Variants in SSX7 observed in about 807,000 individuals in gnomAD.
SSX7 encodes protein SSX7.
SSX7 carries 15 observed loss-of-function variants against 14.7 expected under a neutral mutation model. The ratio of observed to expected loss-of-function variants is 1.02; its 90% CI spans 0.68 to 1.58. SSX7 has a LOEUF of 1.58. Ranked by LOEUF, SSX7 falls within the 40% of genes most tolerant of loss-of-function variation. The probability of loss-of-function intolerance (pLI) is 0.00; values close to 1 mark genes in which losing one functional copy is unlikely to be tolerated. For synonymous variants in SSX7, 46 were observed against 50.6 expected (o/e 0.91, Z 0.38); for missense variants, 178 against 146.8 (o/e 1.21, Z -1.10).
intron 5 of SSX7, among the ~76,000 whole-genome samples, chrX:52,649,165 G>A (rs1202784348): frequency 9.0e-6 from 1 of 111,273 alleles, no homozygotes; most frequent in Non-Finnish European, 1.9e-5. Flanking sequence ...AGAGTATCTG[G>A]GACTGCAGGC....
chrX:52,651,487 C>A (rs782288787), intron 4 of SSX7, among the ~76,000 whole-genome samples: 1 of 112,036 alleles, frequency 8.9e-6, no homozygotes, highest in South Asian at 3.7e-4. Flanking sequence ...TTCAAACACA[C>A]AGAAAAGTAT....
chrX:52,653,537 G>A (rs1177012008), intron 1 of SSX7, 45 bp from the exon 2 acceptor site: 53 of 1,198,865 alleles, frequency 4.4e-5, no homozygotes, highest in South Asian at 4.1e-4. Flanking sequence ...AGCAGCTTTG[G>A]TCTTGTGGAG....
intron 6 of SSX7, among the ~76,000 whole-genome samples, chrX:52,647,508 G>A (rs1925288401): frequency 9.0e-6 from 1 of 111,602 alleles, no homozygotes; most frequent in Non-Finnish European, 1.9e-5. Context: ...GAAGCAGAGA[G>A]TTAATCAATG....
In SSX7 at chrX:52,648,402, T is replaced by A. The variant is rs782723942; in HGVS notation, c.331-6A>T. On this transcript the variant is annotated splice_region_variant and splice_polypyrimidine_tract_variant and intron_variant, in intron 5 of 7. Transcript: ENST00000298181. ...GCTGGCTTCTTGGGCATGATCTTTATAATGTGAAGGTCACAGATAAACAGA... is the reference window on the plus strand; with the variant it reads ...GCTGGCTTCTTGGGCATGATCTTTAAAATGTGAAGGTCACAGATAAACAGA... 4 of 1,209,564 alleles carry A rather than the reference T, an allele frequency of 3.3e-6. No individual in the cohort carries two copies. The East Asian group carries it at 8.9e-5, about 27-fold the overall frequency.
chrX:52,649,436 A>C (rs1486037316), intron 5 of SSX7, among the ~76,000 whole-genome samples: 1 of 112,369 alleles, frequency 8.9e-6, no homozygotes, highest in Non-Finnish European at 1.9e-5. Flanking sequence ...GTTTAAATGC[A>C]GTAATAATAA....
chrX:52,647,569 C>A (rs1388741875), intron 6 of SSX7, among the ~76,000 whole-genome samples: 4 of 111,794 alleles, frequency 3.6e-5, no homozygotes, highest in African/African-American at 9.7e-5. Context: ...AGCCACTCCA[C>A]CCTTCAGCAA....
chrX:52,647,531 T>C lies in SSX7; in HGVS notation c.466+730A>G, dbSNP rs142398863. Reference sequence around the variant, plus strand: ...GAGTTAATCAATGTGGCAAATTTCATTGTTGTGTTCTTTTAAGAAACTGCC... The same window carrying C: ...GAGTTAATCAATGTGGCAAATTTCACTGTTGTGTTCTTTTAAGAAACTGCC... On this transcript the variant is annotated intron_variant, in intron 6 of 7. Transcript: ENST00000298181. 7.0e-3 allele frequency among the ~76,000 whole-genome samples: 782 copies of C among 111,600 alleles called. 5 individuals carry two copies. Among genetic ancestry groups the C allele is most frequent in the Admixed American group, 0.011 (113 of 10,454 alleles).
chrX:52,653,248 T>C, intron 2 of SSX7, 156 bp downstream of exon 2: 2 of 754,285 alleles, frequency 2.7e-6, no homozygotes, highest in Non-Finnish European at 3.1e-6. Context: ...AGGATGCTAG[T>C]TGATGACAGA....
At position 52,652,395 on chromosome X, in the gene SSX7, G is replaced by T. The variant is rs374368737; in HGVS notation, c.185-48C>A. 6.2e-6 allele frequency: 6 copies of T among 962,310 alleles called. No individual in the cohort carries two copies. The African/African-American group carries it at 9.6e-5, about 15-fold the overall frequency. 79.3% of individuals were successfully genotyped at this position (962,310 alleles called of 1,213,427 possible). A position where few individuals can be genotyped will look rare whatever the true frequency, so the allele number is the denominator to read the frequency against. On this transcript the variant is annotated intron_variant, in intron 3 of 7. Coordinates refer to ENST00000298181, the MANE Select transcript of SSX7 (RefSeq NM_173358.2). ...TTCCTTAAGAGACAAGCTTTGACCTGTCACGGTGGCTCATATCTGTAGTAC... is the reference window on the plus strand; with the variant it reads ...TTCCTTAAGAGACAAGCTTTGACCTTTCACGGTGGCTCATATCTGTAGTAC...
In SSX7 at chrX:52,652,338, G is replaced by A. The variant is rs1601976909; in HGVS notation, c.194C>T (p.Ala65Val). ...ATTATGCATGAAAGGTGGGAGGGTG[G>A]CCTTGAAGCCTAGAAAGAAGCAAAA... ...YEAMTKLGFK[A>V]TLPPFMHNTG... Residue 65 changes from alanine (A) to valine (V), a missense_variant, in exon 4 of 8, where the codon GCC (alanine) becomes GTC (valine). Coordinates refer to ENST00000298181, the MANE Select transcript of SSX7 (RefSeq NM_173358.2). 8.3e-7 allele frequency: 1 copy of A among 1,200,308 alleles called. No homozygotes were observed. The highest frequency in any genetic ancestry group is 1.1e-6 in the Non-Finnish European group (1 of 886,548).
intron 6 of SSX7, 86 bp downstream of exon 6, chrX:52,648,175 C>A: frequency 8.8e-7 from 1 of 1,139,631 alleles, no homozygotes; most frequent in Non-Finnish European, 1.2e-6. Flanking sequence ...CCAGGCTTGT[C>A]TGGGGTCCAT....
chrX:52,654,182 G>A (rs1461764330), intron 1 of SSX7, among the ~76,000 whole-genome samples: 2 of 109,009 alleles, frequency 1.8e-5, no homozygotes, highest in South Asian at 4.0e-4. Flanking sequence ...AGGGCGGATC[G>A]CTTGAGCCCA....
In SSX7 at chrX:52,644,657, T is replaced by A. The variant is rs782784831; in HGVS notation, c.*18A>T. The A allele has an allele frequency of 5.2e-4, 626 of 1,194,019 alleles. 4 individuals carry two copies. The South Asian group carries it at 8.3e-3, about 16-fold the overall frequency. ...TTCTGCTTCTCATCATGGGCATATGTCGTATCCCCGAGGCTGAGGCAAGAA... is the reference window on the plus strand; with the variant it reads ...TTCTGCTTCTCATCATGGGCATATGACGTATCCCCGAGGCTGAGGCAAGAA... On this transcript the variant is annotated 3_prime_UTR_variant, in exon 8 of 8. Transcript: ENST00000298181.
chrX:52,653,082 G>A lies in SSX7; in HGVS notation c.70-98C>T, dbSNP rs782030307. The A allele has an allele frequency of 1.8e-3, 2,166 of 1,174,022 alleles. 8 individuals are homozygous for A. The highest frequency in any genetic ancestry group is 1.9e-3 in the Non-Finnish European group (1,664 of 875,562). On this transcript the variant is annotated intron_variant, in intron 2 of 7. Transcript: ENST00000298181. Reference sequence around the variant, plus strand: ...CCTGTGTGCTGGATCTGGGAAGTGGGGATGATGCCATGGCTAACCGACAAC... The same window carrying A: ...CCTGTGTGCTGGATCTGGGAAGTGGAGATGATGCCATGGCTAACCGACAAC...
Position 52,644,532 on chromosome X carries a change from A to G in SSX7, c.*143T>C, listed in dbSNP as rs1357950999. 9.9e-7 allele frequency: 1 copy of G among 1,009,048 alleles called. No homozygotes were observed. Among genetic ancestry groups the G allele is most frequent in the Non-Finnish European group, 1.4e-6 (1 of 732,435 alleles). The allele number at this position is 1,009,048 out of a possible 1,213,427, so 83.2% of individuals were successfully genotyped here. ...AACTCTTGTCACACTAAGAAAAACG[A>G]CGCTCAACTTTTCACTGTTGTGAAC... On this transcript the variant is annotated 3_prime_UTR_variant, in exon 8 of 8. Coordinates refer to ENST00000298181, the MANE Select transcript of SSX7 (RefSeq NM_173358.2).
chrX:52,650,232 G>T, intron 5 of SSX7, 121 bp downstream of exon 5: 1 of 890,799 alleles, frequency 1.1e-6, no homozygotes, highest in South Asian at 2.2e-5. Context: ...ATCAGGTGTT[G>T]TGATAGACAT....
intron 7 of SSX7, among the ~76,000 whole-genome samples, chrX:52,644,944 G>T (rs1556766152): frequency 9.0e-6 from 1 of 111,266 alleles, no homozygotes; most frequent in Non-Finnish European, 1.9e-5. Flanking sequence ...TGGGTAGGGA[G>T]CATTCCTGGA....
At chrX:52,646,282 C>T (rs1245948065) in intron 6 of SSX7, among the ~76,000 whole-genome samples, 6 of 112,004 alleles carry the variant, frequency 5.4e-5, no homozygotes, top group Non-Finnish European at 1.1e-4. Context: ...CCAGGATGGT[C>T]TCGATCTCCC....
At chrX:52,646,939 A>G (rs1569172298) in intron 6 of SSX7, among the ~76,000 whole-genome samples, 1 of 112,484 alleles carries the variant, frequency 8.9e-6, no homozygotes, top group Admixed American at 9.5e-5. Flanking sequence ...AAGTTCTTGA[A>G]GGAAATAATA....
Sources: gnomAD v4.1 joint callset for allele counts (sites outside exome capture counted in the v4.1 genomes callset) on GRCh38, gnomAD v4.1.1 for gene constraint, MANE v1.5 for transcripts, NCBI Gene and HGNC (gene_info 2026-07-23, HGNC 2026-07-21) for gene names.